Variants in PSD3 observed in about 807,000 individuals in gnomAD.
The protein encoded by PSD3 is pleckstrin and Sec7 domain containing 3, also known as PH and SEC7 domain-containing protein 3.
Under a neutral mutation model 105.5 loss-of-function variants are expected in PSD3, and 49 were observed. The ratio of observed to expected loss-of-function variants is 0.46; its 90% CI spans 0.37 to 0.59. The LOEUF is 0.59. Ranked by LOEUF, PSD3 falls within the 20% of genes least tolerant of loss-of-function variation. PSD3 has a pLI of 0.00. For synonymous variants in PSD3, 557 were observed against 457.8 expected, an observed-to-expected ratio of 1.22 and a Z score of -2.77; for missense variants, 1,561 against 1,263.8, an observed-to-expected ratio of 1.24 and a Z score of -3.57.
At chr8:18,866,006 C>T (rs141034829) in intron 4 of PSD3, among the ~76,000 whole-genome samples, 13 of 152,312 alleles carry the variant, frequency 8.5e-5, no homozygotes, top group South Asian at 2.1e-4. Context: ...GTTCATCTCT[C>T]GGCTTCACTT....
chr8:18,958,986 T>C (rs1823747522), intron 1 of PSD3, among the ~76,000 whole-genome samples: 1 of 151,846 alleles, frequency 6.6e-6, no homozygotes, highest in South Asian at 2.1e-4. Context: ...AACGGTGTGA[T>C]CTTGGCTCAC....
intron 8 of PSD3, among the ~76,000 whole-genome samples, chr8:18,791,903 G>C (rs138274973): frequency 7.0e-4 from 106 of 152,234 alleles, no homozygotes; most frequent in African/African-American, 2.4e-3. Flanking sequence ...ACATTAAAAA[G>C]TGGGCAAAGG....
chr8:18,986,984 AG>A (rs1244715837), intron 1 of PSD3, among the ~76,000 whole-genome samples: 1 of 152,168 alleles, frequency 6.6e-6, no homozygotes, highest in East Asian at 1.9e-4. Context: ...CTACTGCTCA[AG>A]GTCATCGCCA....
rs541804496 is a variant in PSD3, at chr8:18,871,462, G to A, written c.1238+164C>T. Among the ~76,000 whole-genome samples, 3 of 152,284 alleles carry A rather than the reference G, an allele frequency of 2.0e-5. No individual in the cohort carries two copies. In the East Asian group the frequency reaches 5.8e-4, roughly 29 times the overall value. On this transcript the variant is annotated intron_variant, in intron 3 of 15. Coordinates refer to ENST00000327040, the MANE Select transcript of PSD3 (RefSeq NM_015310.4). ...ACTTTAATATCTGAGAAGCTTAGGA[G>A]GAATCTTAGCTTAGAAGGACCTAGC... is the stretch of plus-strand genomic sequence containing the variant.
chr8:18,620,132 C>T (rs982496245), intron 11 of PSD3, among the ~76,000 whole-genome samples: 1 of 152,208 alleles, frequency 6.6e-6, no homozygotes, highest in African/African-American at 2.4e-5. Context: ...AACAGCTTAA[C>T]TCTCTCAACC....
intron 1 of PSD3, among the ~76,000 whole-genome samples, chr8:18,945,228 G>A (rs1217409469): frequency 6.6e-6 from 1 of 152,146 alleles, no homozygotes; most frequent in African/African-American, 2.4e-5. Context: ...TTAAATTTCT[G>A]GGCATGGGAG....
chr8:18,814,499 A>C (rs62498295), intron 4 of PSD3, among the ~76,000 whole-genome samples: 19,063 of 152,058 alleles, frequency 0.13, 1,864 homozygotes, highest in African/African-American at 0.28. Flanking sequence ...TTATTTACTT[A>C]TTTATTTATT....
rs115143207 is a variant in PSD3, at chr8:19,011,032, T to C, written c.21+2531A>G. Among the ~76,000 whole-genome samples, 600 of 151,810 alleles carry C rather than the reference T, an allele frequency of 4.0e-3. 5 individuals carry two copies. The highest frequency in any genetic ancestry group is 0.013 in the African/African-American group (551 of 41,336). On this transcript the variant is annotated intron_variant, in intron 1 of 15. Coordinates refer to ENST00000327040, the MANE Select transcript of PSD3 (RefSeq NM_015310.4). ...TCCACAGACTTTGGTCACCAGATTA[T>C]TTTTTACAGTCTGACCCAACTTCAA... is the stretch of plus-strand genomic sequence containing the variant.
intron 8 of PSD3, among the ~76,000 whole-genome samples, chr8:18,772,066 C>T (rs1466103119): frequency 6.6e-6 from 1 of 152,072 alleles, no homozygotes; most frequent in Non-Finnish European, 1.5e-5. Flanking sequence ...GATTTCTTTC[C>T]TTTTTAAGGC....
At chr8:19,069,066 C>T (rs1829169677) in intron 1 of PSD3, among the ~76,000 whole-genome samples, 1 of 152,174 alleles carries the variant, frequency 6.6e-6, no homozygotes, top group African/African-American at 2.4e-5. Context: ...GTCAAGCTCA[C>T]ATAGGGCAAG....
At chr8:18,711,395 T>C (rs935166658) in intron 9 of PSD3, among the ~76,000 whole-genome samples, 6 of 151,872 alleles carry the variant, frequency 4.0e-5, no homozygotes, top group Non-Finnish European at 8.8e-5. Flanking sequence ...AAGAGACCCA[T>C]CTCACACGCA....
intron 10 of PSD3, among the ~76,000 whole-genome samples, chr8:18,637,932 T>C (rs1254645570): frequency 2.6e-5 from 4 of 151,800 alleles, no homozygotes; most frequent in Non-Finnish European, 4.4e-5. Flanking sequence ...CCGAGGCAGG[T>C]AGATCACAAG....
intron 9 of PSD3, among the ~76,000 whole-genome samples, chr8:18,724,142 C>A (rs1016773973): frequency 1.3e-5 from 2 of 151,948 alleles, no homozygotes; most frequent in Non-Finnish European, 2.9e-5. Flanking sequence ...TCTTTATAAG[C>A]AGGTAGGGGT....
chr8:18,773,009 G>A (rs556540724), intron 8 of PSD3, among the ~76,000 whole-genome samples: 1 of 152,018 alleles, frequency 6.6e-6, no homozygotes, highest in Non-Finnish European at 1.5e-5. Flanking sequence ...TTGTTTTTAA[G>A]GCACAAACGT....
At chr8:18,640,155 A>C (rs924009284) in intron 10 of PSD3, among the ~76,000 whole-genome samples, 1 of 152,166 alleles carries the variant, frequency 6.6e-6, no homozygotes, top group Non-Finnish European at 1.5e-5. Flanking sequence ...CTCCGTTGAT[A>C]TAGACCAATA....
At chr8:19,018,783 G>C (rs1827259871) in intron 1 of PSD3, among the ~76,000 whole-genome samples, 2 of 152,138 alleles carry the variant, frequency 1.3e-5, no homozygotes, top group African/African-American at 4.8e-5. Context: ...CTATCCTCAT[G>C]AGAGTCAGAA....
At chr8:18,932,348 G>C (rs984481973) in intron 2 of PSD3, among the ~76,000 whole-genome samples, 1 of 152,180 alleles carries the variant, frequency 6.6e-6, no homozygotes, top group Non-Finnish European at 1.5e-5. Context: ...CCAGCCCACA[G>C]ACAGCTGTGA....
At chr8:18,848,836 A>G (rs375808083) in intron 4 of PSD3, among the ~76,000 whole-genome samples, 2 of 152,218 alleles carry the variant, frequency 1.3e-5, no homozygotes, top group East Asian at 3.9e-4. Flanking sequence ...ATTGTCATAC[A>G]AAAATGTGGC....
At chr8:19,001,594 T>TAAA (rs1826402619) in intron 1 of PSD3, 1 of 151,944 alleles carries the variant, frequency 6.6e-6, no homozygotes, top group African/African-American at 2.4e-5. Flanking sequence ...ATTCTCTGCT[T>TAAA]TGACTGACTG....
Sources: gnomAD v4.1 joint callset for allele counts (sites outside exome capture counted in the v4.1 genomes callset) on GRCh38, gnomAD v4.1.1 for gene constraint, MANE v1.5 for transcripts, NCBI Gene and HGNC (gene_info 2026-07-23, HGNC 2026-07-21) for gene names.